The following MORN1 variants were observed in gnomAD, a reference collection of about 807,000 sequenced individuals.
MORN1 encodes the protein MORN repeat containing 1.
In MORN1, 67 loss-of-function variants were observed where a neutral mutation model predicts 61.9. The ratio of observed to expected loss-of-function variants is 1.08; its 90% confidence interval spans 0.89 to 1.33. The LOEUF (loss-of-function observed/expected upper bound fraction) is 1.33. MORN1 is among the 40% of genes most tolerant of loss of function. The pLI is 0.00. For synonymous variants in MORN1, 301 were observed against 292.0 expected (o/e 1.03, Z -0.31); for missense variants, 752 against 691.2 (o/e 1.09, Z -0.99).
rs560004472 is a variant in MORN1, at chr1:2,367,259, CA to C, written c.745+5221del. On this transcript the variant is annotated intron_variant, in intron 8 of 13. Coordinates refer to ENST00000378531, the MANE Select transcript of MORN1 (RefSeq NM_024848.3). ...TCACGAACAGGGATGCAGAAATTCCCAAAAAAACTTTAGCAAACTGAAGGAC... is the reference window on the plus strand; with the variant it reads ...TCACGAACAGGGATGCAGAAATTCCCAAAAAACTTTAGCAAACTGAAGGAC... Among the ~76,000 whole-genome samples the C allele has an allele frequency of 5.3e-3, 769 of 144,304 alleles. 4 individuals are homozygous for C. The highest frequency in any genetic ancestry group is 8.7e-3 in the Non-Finnish European group (572 of 65,872). 94.7% of individuals were successfully genotyped at this position (144,304 alleles called of 152,430 possible). A position where few individuals can be genotyped will look rare whatever the true frequency, so the allele number is the denominator to read the frequency against.
chr1:2,363,571 A>G (rs1641937019), intron 8 of MORN1: 1 of 152,226 alleles, frequency 6.6e-6, no homozygotes, highest in African/African-American at 2.4e-5. Flanking sequence ...AGCCTGGGCA[A>G]CAGAGTGAGA....
intron 13 of MORN1, 55 bp downstream of exon 13, chr1:2,324,042 T>G: frequency 1.3e-6 from 2 of 1,547,790 alleles, no homozygotes; most frequent in Non-Finnish European, 1.7e-6. Context: ...GGCTGCGGCC[T>G]CGCCTCTCCA....
Position 2,372,299 on chromosome 1 carries a change from G to A in MORN1, c.745+182C>T. Reference sequence around the variant, plus strand: ...CACACATGCTTGCACACACACCCAAGGCTGCCCTGACTGGCAGGGAAGCTG... The same window carrying A: ...CACACATGCTTGCACACACACCCAAAGCTGCCCTGACTGGCAGGGAAGCTG... On this transcript the variant is annotated intron_variant, in intron 8 of 13. Transcript: ENST00000378531. The surrounding 1 kb of genome is among the most constrained non-coding windows in gnomAD (Gnocchi z 5.4). 1 of 584,170 alleles carries A rather than the reference G, an allele frequency of 1.7e-6. No homozygotes were observed. The highest frequency in any genetic ancestry group is 1.9e-5 in the South Asian group (1 of 51,456). The allele number at this position is 584,170 out of a possible 1,614,324, so 36.2% of individuals were successfully genotyped here. A position where few individuals can be genotyped will look rare whatever the true frequency, so the allele number is the denominator to read the frequency against.
At chr1:2,342,038 C>T (rs922104203) in intron 10 of MORN1, among the ~76,000 whole-genome samples, 11 of 152,240 alleles carry the variant, frequency 7.2e-5, no homozygotes, top group Admixed American at 2.0e-4. Context: ...GCAGGCATGC[C>T]CCTCCCCAGC....
chr1:2,353,205 G>A lies in MORN1; in HGVS notation c.1036+4227C>T, dbSNP rs71630973. Among the ~76,000 whole-genome samples, 949 of 152,334 alleles carry A rather than the reference G, an allele frequency of 6.2e-3. 5 individuals carry two copies. Among genetic ancestry groups the A allele is most frequent in the South Asian group, 0.017 (81 of 4,826 alleles). ...AATGTGAGCAAGGGACTTCGGTTTC[G>A]TTTTTTTGAGAATGCGAAGTTCATG... On this transcript the variant is annotated intron_variant, in intron 10 of 13. Coordinates refer to ENST00000378531, the MANE Select transcript of MORN1 (RefSeq NM_024848.3).
intron 12 of MORN1, chr1:2,332,545 A>G (rs1483120294): frequency 4.4e-6 from 2 of 452,046 alleles, no homozygotes; most frequent in South Asian, 1.6e-5. Flanking sequence ...GGCTTCTATG[A>G]TGGGGGAATG....
chr1:2,384,626 G>C (rs1642446643), intron 6 of MORN1, among the ~76,000 whole-genome samples: 1 of 152,224 alleles, frequency 6.6e-6, no homozygotes, highest in African/African-American at 2.4e-5. Flanking sequence ...CCCCGCCTCA[G>C]CTGCGCCACC....
intron 2 of MORN1, 55 bp from the exon 3 acceptor site, chr1:2,388,392 G>T (rs1238471747): frequency 1.4e-6 from 2 of 1,406,220 alleles, no homozygotes. Context: ...GACTGCGAAT[G>T]ACACTGTGCA....
chr1:2,388,173 G>A (rs1642550347), intron 3 of MORN1, 66 bp downstream of exon 3: 6 of 1,284,952 alleles, frequency 4.7e-6, no homozygotes, highest in Non-Finnish European at 6.7e-6. Context: ...ATCTAGACTC[G>A]GCGGACCAAC....
intron 10 of MORN1, among the ~76,000 whole-genome samples, chr1:2,339,975 C>T (rs889948180): frequency 3.3e-5 from 5 of 152,252 alleles, no homozygotes; most frequent in African/African-American, 1.2e-4. Context: ...CAGGCGCCTC[C>T]GCCGCGCGGC....
chr1:2,355,931 A>C (rs1301909475), intron 10 of MORN1, among the ~76,000 whole-genome samples: 1 of 152,176 alleles, frequency 6.6e-6, no homozygotes, highest in Non-Finnish European at 1.5e-5. Context: ...GGGGCCTGCT[A>C]GGCTGGCTTA....
intron 8 of MORN1, among the ~76,000 whole-genome samples, chr1:2,367,125 T>C (rs192321665): frequency 6.6e-6 from 1 of 152,054 alleles, no homozygotes; most frequent in Non-Finnish European, 1.5e-5. Context: ...TTCCCGAAAA[T>C]TGAAGAGAGA....
At chr1:2,324,017 C>T in intron 13 of MORN1, 80 bp downstream of exon 13, 2 of 1,498,834 alleles carry the variant, frequency 1.3e-6, no homozygotes, top group South Asian at 1.3e-5. Flanking sequence ...TCCCCCAACC[C>T]CACCTCCAGC....
At chr1:2,336,658 G>A (rs965075287) in intron 11 of MORN1, 59 bp downstream of exon 11, 1 of 1,567,816 alleles carries the variant, frequency 6.4e-7, no homozygotes, top group Non-Finnish European at 8.7e-7. Context: ...GAGGTGGTGG[G>A]TGGGCAGGGA....
intron 10 of MORN1, among the ~76,000 whole-genome samples, chr1:2,348,072 A>T (rs1400334407): frequency 6.6e-6 from 1 of 152,052 alleles, no homozygotes. Flanking sequence ...CAGGAAGGAG[A>T]TCAGCCTGGG....
chr1:2,358,130 A>G (rs556884071), intron 9 of MORN1, among the ~76,000 whole-genome samples: 5 of 152,136 alleles, frequency 3.3e-5, no homozygotes, highest in Non-Finnish European at 5.9e-5. Context: ...TTGTGCACAC[A>G]CTGGCCTGGT....
At position 2,390,552 on chromosome 1, in the gene MORN1, C is replaced by T. The variant is rs979425166; in HGVS notation, c.77-556G>A. Reference sequence around the variant, plus strand: ...TGCAGTTCCAGGAATGGGCAGGGCTCCCTCCCTACCAGCTCCTCAGGCACA... The same window carrying T: ...TGCAGTTCCAGGAATGGGCAGGGCTTCCTCCCTACCAGCTCCTCAGGCACA... On this transcript the variant is annotated intron_variant, in intron 1 of 13. Coordinates refer to ENST00000378531, the MANE Select transcript of MORN1 (RefSeq NM_024848.3). 158 of 985,382 alleles carry T rather than the reference C, an allele frequency of 1.6e-4. 2 individuals carry two copies. In the African/African-American group the frequency reaches 2.6e-3, roughly 16 times the overall value. 61.0% of individuals were successfully genotyped at this position (985,382 alleles called of 1,614,324 possible).
Position 2,354,102 on chromosome 1 carries a change from C to T in MORN1, c.1036+3330G>A, listed in dbSNP as rs563614964. 5.7e-3 allele frequency among the ~76,000 whole-genome samples: 871 copies of T among 151,994 alleles called. 5 individuals carry two copies. Among genetic ancestry groups the T allele is most frequent in the Non-Finnish European group, 9.3e-3 (631 of 67,950 alleles). On this transcript the variant is annotated intron_variant, in intron 10 of 13. Coordinates refer to ENST00000378531, the MANE Select transcript of MORN1 (RefSeq NM_024848.3). ...GAGTTCGAGACCATCCTGGCCAACA[C>T]GGCGAAACCCCATCTCTACTAAAAA...
intron 2 of MORN1, 77 bp downstream of exon 2, chr1:2,389,847 AC>A: frequency 7.3e-7 from 1 of 1,367,000 alleles, no homozygotes. Context: ...CCACTTGCCC[AC>A]CCAACCTCCC....
Sources: allele counts gnomAD v4.1 joint callset (sites outside exome capture counted in the v4.1 genomes callset), GRCh38; gene constraint gnomAD v4.1.1; non-coding constraint Gnocchi (gnomAD v3.1); transcripts MANE v1.5; gene names NCBI Gene and HGNC (gene_info 2026-07-23, HGNC 2026-07-21).